SEMA4D: variants seen among roughly 807,000 people sequenced by gnomAD.
The protein encoded by SEMA4D is semaphorin-4D.
In SEMA4D, 22 loss-of-function variants were observed where a neutral mutation model predicts 74.8. That is an observed-to-expected ratio of 0.29 (90% CI 0.21 to 0.42). The LOEUF is 0.42. Among genes scored for constraint, SEMA4D ranks in the 10% least tolerant of loss-of-function variants. The probability of loss-of-function intolerance (pLI) is 1.00; values close to 1 mark genes in which losing one functional copy is unlikely to be tolerated. For missense variants in SEMA4D, 937 were observed against 1,118.4 expected, an observed-to-expected ratio of 0.84 and a Z score of 2.31; for synonymous variants, 445 against 463.7, an observed-to-expected ratio of 0.96 and a Z score of 0.52.
chr9:89,387,481 C>T lies in SEMA4D; in HGVS notation c.1235G>A (p.Arg412Lys). ...GTAGTTCACATCTTTCTTGATTAACCTGGGCCTGTTGTCTATTGGGGTTAC... is the reference window on the plus strand; with the variant it reads ...GTAGTTCACATCTTTCTTGATTAACTTGGGCCTGTTGTCTATTGGGGTTAC... ...DSVTPIDNRP[R>K]LIKKDVNYTQ... The change falls in exon 12 of 16, where the codon AGG becomes AAG. Residue 412 changes from arginine to lysine, a missense_variant. Arg to Lys is a conservative substitution (Grantham distance 26). Transcript: ENST00000422704. 1 of 1,614,224 alleles carries T rather than the reference C, an allele frequency of 6.2e-7. No homozygotes were observed. The highest frequency in any genetic ancestry group is 8.5e-7 in the Non-Finnish European group (1 of 1,180,046).
intron 2 of SEMA4D, among the ~76,000 whole-genome samples, chr9:89,420,527 G>T (rs1485417358): frequency 6.6e-6 from 1 of 152,214 alleles, no homozygotes; most frequent in Non-Finnish European, 1.5e-5. Context: ...GAGAGTGTGG[G>T]GCTCCAACGC....
intron 2 of SEMA4D, among the ~76,000 whole-genome samples, chr9:89,416,334 G>C (rs549937245): frequency 2.0e-5 from 3 of 152,330 alleles, no homozygotes; most frequent in African/African-American, 7.2e-5. Context: ...TGCAACCAAA[G>C]GGGATGCTCC....
At chr9:89,371,539 G>GT (rs1564499246) in intron 16 of SEMA4D, among the ~76,000 whole-genome samples, 1 of 21,686 alleles carries the variant, frequency 4.6e-5, no homozygotes, top group Non-Finnish European at 1.2e-4. Flanking sequence ...TGTGTGTGGG[G>GT]GTGTGTTTGG....
At chr9:89,402,210 C>T (rs1025220435) in intron 4 of SEMA4D, among the ~76,000 whole-genome samples, 4 of 152,128 alleles carry the variant, frequency 2.6e-5, no homozygotes, top group Admixed American at 1.3e-4. Context: ...TTTAAAGACA[C>T]CGAGGAATCA....
Position 89,386,407 on chromosome 9 carries a change from T to A in SEMA4D, c.1406A>T (p.Asp469Val). The part of the protein sequence containing the change: ...HIIEETQLFQ[D>V]FEPVQTLLLS... ...CAGCAGGGTCTGGACTGGCTCAAAG[T>A]CCTGGAAGAGCTGGGTCTCCTCGAT... The change falls in exon 13 of 16, where the codon GAC becomes GTC. Residue 469 changes from aspartate to valine, a missense_variant. Physicochemically the swap from Asp to Val is radical, Grantham distance 152. Coordinates refer to ENST00000422704, the MANE Select transcript of SEMA4D (RefSeq NM_001371194.2). The A allele has an allele frequency of 1.2e-6, 2 of 1,614,066 alleles. No homozygotes were observed. Among genetic ancestry groups the A allele is most frequent in the South Asian group, 2.2e-5 (2 of 91,068 alleles).
intron 13 of SEMA4D, chr9:89,385,130 G>A (rs1024738041): frequency 1.8e-4 from 163 of 911,606 alleles, no homozygotes; most frequent in Non-Finnish European, 2.0e-4. Context: ...GGGAGATGGC[G>A]GGTGGGCACT....
intron 1 of SEMA4D, chr9:89,472,275 C>T (rs1286117959): frequency 8.0e-6 from 3 of 375,470 alleles, no homozygotes; most frequent in African/African-American, 2.1e-5. Flanking sequence ...AAGTCCTTCG[C>T]AATTTCTGAC....
intron 2 of SEMA4D, among the ~76,000 whole-genome samples, chr9:89,445,782 G>T (rs1296129871): frequency 1.3e-5 from 2 of 152,074 alleles, no homozygotes; most frequent in Non-Finnish European, 2.9e-5. Context: ...ATTGGGTGAG[G>T]CCAACTCACT....
At chr9:89,425,893 C>T (rs148794083) in intron 2 of SEMA4D, among the ~76,000 whole-genome samples, 257 of 152,372 alleles carry the variant, frequency 1.7e-3, no homozygotes, top group African/African-American at 5.9e-3. Flanking sequence ...GAGCCAACAG[C>T]TTCCTCCTCC....
Position 89,382,430 on chromosome 9 carries a change from T to C in SEMA4D, c.1447-1084A>G, listed in dbSNP as rs150015394. 1.7e-3 allele frequency among the ~76,000 whole-genome samples: 258 copies of C among 151,728 alleles called. 2 individuals carry two copies. The highest frequency in any genetic ancestry group is 6.0e-3 in the African/African-American group (250 of 41,534). On this transcript the variant is annotated intron_variant, in intron 13 of 15. Coordinates refer to ENST00000422704, the MANE Select transcript of SEMA4D (RefSeq NM_001371194.2). Reference sequence around the variant, plus strand: ...GCTCGGAGTCAACTTCAGAGTGTGGTTGGAAGATCACAGGCCCTGATGCCA... The same window carrying C: ...GCTCGGAGTCAACTTCAGAGTGTGGCTGGAAGATCACAGGCCCTGATGCCA...
chr9:89,376,146 G>A (rs553436033), downstream of SEMA4D, among the ~76,000 whole-genome samples: 30 of 152,290 alleles, frequency 2.0e-4, no homozygotes, highest in African/African-American at 4.3e-4. Context: ...TAAATACCAC[G>A]AAGCAAGTCA....
intron 16 of SEMA4D, among the ~76,000 whole-genome samples, chr9:89,369,749 T>C (rs1393860847): frequency 2.0e-5 from 3 of 152,248 alleles, no homozygotes; most frequent in Non-Finnish European, 4.4e-5. Flanking sequence ...GCATGCTAAC[T>C]TTACTTCACC....
intron 5 of SEMA4D, 39 bp from the exon 6 acceptor site, chr9:89,396,874 C>T (rs781415517): frequency 6.4e-7 from 1 of 1,554,484 alleles, no homozygotes; most frequent in Admixed American, 1.8e-5. Flanking sequence ...AACCGTCCAG[C>T]CCAGATGCCC....
chr9:89,456,180 G>A (rs1388835465), intron 1 of SEMA4D, among the ~76,000 whole-genome samples: 2 of 152,218 alleles, frequency 1.3e-5, no homozygotes, highest in African/African-American at 2.4e-5. Flanking sequence ...AGAACTGGGA[G>A]GGAGGCATCA....
At chr9:89,394,915 A>C (rs1294630452) in intron 6 of SEMA4D, among the ~76,000 whole-genome samples, 1 of 152,174 alleles carries the variant, frequency 6.6e-6, no homozygotes, top group African/African-American at 2.4e-5. Flanking sequence ...ACATAGGAAA[A>C]TGTTACTATT....
At chr9:89,405,325 G>A in intron 3 of SEMA4D, 26 bp downstream of exon 3, 1 of 1,597,150 alleles carries the variant, frequency 6.3e-7, no homozygotes, top group East Asian at 2.2e-5. Flanking sequence ...CAGGCCATCA[G>A]CACCCCTGCA....
At chr9:89,417,305 T>C (rs944270888) in intron 2 of SEMA4D, among the ~76,000 whole-genome samples, 6 of 152,210 alleles carry the variant, frequency 3.9e-5, no homozygotes, top group African/African-American at 1.4e-4. Context: ...ATAATATATC[T>C]AGCCAATAAG....
rs1588148657 is a variant in SEMA4D, at chr9:89,377,923, A to T, written c.*781T>A. ...AAAAGAAAAGTAAAACGAAGTACAG[A>T]AAGAAAATCTCTCCAAAAACAATGC... On this transcript the variant is annotated 3_prime_UTR_variant, in exon 16 of 16. Transcript: ENST00000422704. 1 of 152,344 alleles carries T rather than the reference A, an allele frequency of 6.6e-6. No individual in the cohort carries two copies. Among genetic ancestry groups the T allele is most frequent in the Non-Finnish European group, 1.5e-5 (1 of 68,020 alleles). 9.4% of individuals were successfully genotyped at this position (152,344 alleles called of 1,614,324 possible). A position where few individuals can be genotyped will look rare whatever the true frequency, so the allele number is the denominator to read the frequency against.
At chr9:89,384,147 C>T (rs148459484) in intron 13 of SEMA4D, among the ~76,000 whole-genome samples, 66 of 152,334 alleles carry the variant, frequency 4.3e-4, no homozygotes, top group African/African-American at 1.5e-3. Context: ...CTGCTGTGTG[C>T]GCCCAAGGAA....
Sources: allele counts gnomAD v4.1 joint callset (sites outside exome capture counted in the v4.1 genomes callset), GRCh38; gene constraint gnomAD v4.1.1; transcripts MANE v1.5; gene names NCBI Gene and HGNC (gene_info 2026-07-23, HGNC 2026-07-21).